Variants in DERA observed in about 807,000 individuals in gnomAD.
The protein encoded by DERA is deoxyribose-phosphate aldolase.
In DERA, 15 loss-of-function variants were observed where a neutral mutation model predicts 41.1. The ratio of observed to expected loss-of-function variants is 0.37; its 90% CI spans 0.24 to 0.56. The LOEUF (loss-of-function observed/expected upper bound fraction) is 0.56. Among genes scored for constraint, DERA ranks in the 20% least tolerant of loss-of-function variants. The pLI is 0.81. For synonymous variants in DERA, 139 were observed against 137.4 expected (o/e 1.01, Z -0.08); for missense variants, 396 against 403.4 (o/e 0.98, Z 0.16).
chr12:15,935,582 AATTTG>A lies in DERA; in HGVS notation c.32-21349_32-21345del, dbSNP rs1432781650. Among the ~76,000 whole-genome samples, 2 of 152,214 alleles carry A rather than the reference AATTTG, an allele frequency of 1.3e-5. No homozygotes were observed. Among genetic ancestry groups the A allele is most frequent in the Non-Finnish European group, 2.9e-5 (2 of 68,038 alleles). ...CACATATCTGTACCAGTTTCAGTGT[AATTTG>A]ATTTATTTATTTTTATTAGTGGGAT... On this transcript the variant is annotated intron_variant, in intron 1 of 8. Transcript: ENST00000428559. This position sits in a 1 kb window ranked among gnomAD's most constrained non-coding sequence, Gnocchi z 4.8.
chr12:16,029,290 GCGGGCGCCTGTAGTCCCAGCTACT>G (rs1292561709), intron 6 of DERA, among the ~76,000 whole-genome samples: 3 of 151,876 alleles, frequency 2.0e-5, no homozygotes, highest in Admixed American at 1.3e-4. Flanking sequence ...GGGCGTAGTG[GCGGGCGCCTGTAGTCCCAGCTACT>G]CGGGAGGCTG....
At chr12:15,997,830 C>T (rs1413738112) in intron 6 of DERA, among the ~76,000 whole-genome samples, 1 of 152,192 alleles carries the variant, frequency 6.6e-6, no homozygotes, top group Non-Finnish European at 1.5e-5. Context: ...AATTCATTGC[C>T]TTTTCCCCAT....
In DERA at chr12:16,017,156, G is replaced by T. The variant is rs1948988431; in HGVS notation, c.638-15386G>T. 6.6e-6 allele frequency among the ~76,000 whole-genome samples: 1 copy of T among 152,078 alleles called. No individual in the cohort carries two copies. The highest frequency in any genetic ancestry group is 1.5e-5 in the Non-Finnish European group (1 of 68,020). On this transcript the variant is annotated intron_variant, in intron 6 of 8. Transcript: ENST00000428559. This position sits in a 1 kb window ranked among gnomAD's most constrained non-coding sequence, Gnocchi z 5.5. ...TGGTTGCAACTTTATTTTTATTGAG[G>T]GGAAGGCATCCGGAAGAAATGTGGT...
At position 15,995,889 on chromosome 12, in the gene DERA, G is replaced by T. The variant is rs1565608797; in HGVS notation, c.637+13453G>T. Among the ~76,000 whole-genome samples, 1 of 152,146 alleles carries T rather than the reference G, an allele frequency of 6.6e-6. No homozygotes were observed. ...TTTCTCTCTTAACTCAAAGTAGTAG[G>T]ACTAGGACCAACTTTTAGACATTGT... On this transcript the variant is annotated intron_variant, in intron 6 of 8. Transcript: ENST00000428559. The surrounding 1 kb of genome is among the most constrained non-coding windows in gnomAD (Gnocchi z 5.1).
intron 6 of DERA, among the ~76,000 whole-genome samples, chr12:16,006,274 CCAG>C (rs112315978): frequency 0.08 from 12,158 of 152,176 alleles, 1,457 homozygotes; most frequent in African/African-American, 0.25. Context: ...AAACCCAAAA[CCAG>C]AAACCAAGAA....
intron 1 of DERA, among the ~76,000 whole-genome samples, chr12:15,934,760 A>G (rs1412188086): frequency 6.6e-6 from 1 of 152,174 alleles, no homozygotes; most frequent in African/African-American, 2.4e-5. Flanking sequence ...TGCTGAGGAA[A>G]ACTATATAGT....
In DERA at chr12:15,994,896, A is replaced by T. The variant is rs1222179384; in HGVS notation, c.637+12460A>T. Among the ~76,000 whole-genome samples the T allele has an allele frequency of 1.3e-5, 2 of 152,234 alleles. No homozygotes were observed. Among genetic ancestry groups the T allele is most frequent in the Non-Finnish European group, 2.9e-5 (2 of 68,046 alleles). ...AATCATGTGAAGTTGGTAGTTTATAAATTCTTTCTGCAGTAATCCCAAGAG... is the reference window on the plus strand; with the variant it reads ...AATCATGTGAAGTTGGTAGTTTATATATTCTTTCTGCAGTAATCCCAAGAG... On this transcript the variant is annotated intron_variant, in intron 6 of 8. Transcript: ENST00000428559. This position sits in a 1 kb window ranked among gnomAD's most constrained non-coding sequence, Gnocchi z 4.8.
intron 1 of DERA, 106 bp from the exon 2 acceptor site, chr12:15,956,830 G>T (rs575809102): frequency 1.2e-6 from 1 of 848,154 alleles, no homozygotes; most frequent in Non-Finnish European, 2.0e-6. Flanking sequence ...TTTAAAAAAA[G>T]GTTGATGTCA....
Position 16,035,915 on chromosome 12 carries a change from T to C in DERA, c.751-317T>C, listed in dbSNP as rs897624017. 1.3e-5 allele frequency among the ~76,000 whole-genome samples: 2 copies of C among 152,220 alleles called. No individual in the cohort carries two copies. The highest frequency in any genetic ancestry group is 4.8e-5 in the African/African-American group (2 of 41,452). ...TCCTATTTATTGACACCTTCCTTGT[T>C]TATTCCAGGTTCACAGCTATAGTCT... On this transcript the variant is annotated intron_variant, in intron 7 of 8. Coordinates refer to ENST00000428559, the MANE Select transcript of DERA (RefSeq NM_015954.4). The surrounding 1 kb of genome is among the most constrained non-coding windows in gnomAD (Gnocchi z 4.1).
At chr12:15,912,783 A>T (rs1225343640) in intron 1 of DERA, among the ~76,000 whole-genome samples, 1 of 152,220 alleles carries the variant, frequency 6.6e-6, no homozygotes, top group African/African-American at 2.4e-5. Context: ...AGTGACTGGT[A>T]CTTAAACAGT....
Position 16,001,179 on chromosome 12 carries a change from A to G in DERA, c.637+18743A>G, listed in dbSNP as rs913254599. Among the ~76,000 whole-genome samples, 1 of 152,218 alleles carries G rather than the reference A, an allele frequency of 6.6e-6. No individual in the cohort carries two copies. The highest frequency in any genetic ancestry group is 1.5e-5 in the Non-Finnish European group (1 of 68,036). Reference sequence around the variant, plus strand: ...TCGGGCTCCCATTAGAGGATGGGTCAGTAGGTGCAGCAAACCACCACGGCA... The same window carrying G: ...TCGGGCTCCCATTAGAGGATGGGTCGGTAGGTGCAGCAAACCACCACGGCA... On this transcript the variant is annotated intron_variant, in intron 6 of 8. Transcript: ENST00000428559. The surrounding 1 kb of genome is among the most constrained non-coding windows in gnomAD (Gnocchi z 4.1).
In DERA at chr12:15,931,656, G is replaced by A. The variant is rs1371022905; in HGVS notation, c.31+20242G>A. Among the ~76,000 whole-genome samples the A allele has an allele frequency of 6.6e-6, 1 of 152,196 alleles. No individual in the cohort carries two copies. The highest frequency in any genetic ancestry group is 6.6e-5 in the Admixed American group (1 of 15,266). The stretch of plus-strand genomic sequence containing the variant: ...GATGTGGTTTGTCTACACTAAAGCT[G>A]ATGTTCAAATTTGATCCTCAGTGTG... On this transcript the variant is annotated intron_variant, in intron 1 of 8. Coordinates refer to ENST00000428559, the MANE Select transcript of DERA (RefSeq NM_015954.4). The surrounding 1 kb of genome is among the most constrained non-coding windows in gnomAD (Gnocchi z 4.6).
At chr12:15,958,652 C>G (rs1419892907) in intron 3 of DERA, among the ~76,000 whole-genome samples, 1 of 151,460 alleles carries the variant, frequency 6.6e-6, no homozygotes, top group Non-Finnish European at 1.5e-5. Flanking sequence ...CTTTCTGATT[C>G]CCTAGCCATA....
chr12:16,023,700 A>T (rs1949034393), intron 6 of DERA, among the ~76,000 whole-genome samples: 1 of 151,562 alleles, frequency 6.6e-6, no homozygotes, highest in Non-Finnish European at 1.5e-5. Flanking sequence ...GATGGTCTCG[A>T]TCTCCTGACC....
intron 1 of DERA, among the ~76,000 whole-genome samples, chr12:15,929,342 G>C (rs11056724): frequency 0.26 from 39,898 of 152,168 alleles, 5,510 homozygotes; most frequent in Admixed American, 0.35. Context: ...AGCAGGTGCC[G>C]TGGGAAGCAG....
intron 5 of DERA, among the ~76,000 whole-genome samples, chr12:15,969,002 T>A (rs971839654): frequency 6.6e-6 from 1 of 152,232 alleles, no homozygotes; most frequent in Non-Finnish European, 1.5e-5. Flanking sequence ...TAGGACATAA[T>A]GATTTTTACA....
Position 16,021,252 on chromosome 12 carries a change from C to T in DERA, c.638-11290C>T, listed in dbSNP as rs1949015277. Among the ~76,000 whole-genome samples, 1 of 152,240 alleles carries T rather than the reference C, an allele frequency of 6.6e-6. No individual in the cohort carries two copies. The highest frequency in any genetic ancestry group is 6.5e-5 in the Admixed American group (1 of 15,288). On this transcript the variant is annotated intron_variant, in intron 6 of 8. Transcript: ENST00000428559. This position sits in a 1 kb window ranked among gnomAD's most constrained non-coding sequence, Gnocchi z 5.3. ...AGGCCCAGAGCCCTACTGCCTTGCA[C>T]AGCCTCAGTATGCTGCCACCAGAAT... is the stretch of plus-strand genomic sequence containing the variant.
rs1345037477 is a variant in DERA, at chr12:15,959,865, G to A, written c.314G>A (p.Arg105Gln). Reference protein sequence around the residue: ...TTAAVCVYPARVCDAVKALKA... With the variant: ...TTAAVCVYPAQVCDAVKALKA... ...GCCGCCGTTTGTGTTTATCCCGCCC[G>A]GGTGTGTGATGCTGTAAAAGCACTC... is the stretch of plus-strand genomic sequence containing the variant. Residue 105 changes from arginine to glutamine, a missense_variant, in exon 4 of 9, where the codon CGG becomes CAG. Coordinates refer to ENST00000428559, the MANE Select transcript of DERA (RefSeq NM_015954.4). This position sits in a 1 kb window ranked among gnomAD's most constrained non-coding sequence, Gnocchi z 4.5. The A allele has an allele frequency of 2.6e-5, 40 of 1,550,994 alleles. No individual in the cohort carries two copies. Among genetic ancestry groups the A allele is most frequent in the South Asian group, 3.6e-5 (3 of 83,998 alleles).
At chr12:15,930,587 C>G (rs1372082182) in intron 1 of DERA, among the ~76,000 whole-genome samples, 1 of 152,098 alleles carries the variant, frequency 6.6e-6, no homozygotes, top group Admixed American at 6.5e-5. Context: ...AACAGTAACA[C>G]TTTTTTGTCG....
Sources: gnomAD v4.1 joint callset for allele counts (sites outside exome capture counted in the v4.1 genomes callset) on GRCh38, gnomAD v4.1.1 for gene constraint, Gnocchi (gnomAD v3.1) non-coding constraint, MANE v1.5 for transcripts, NCBI Gene and HGNC (gene_info 2026-07-23, HGNC 2026-07-21) for gene names.